USP32: variants seen among roughly 807,000 people sequenced by gnomAD.
The protein encoded by USP32 is ubiquitin carboxyl-terminal hydrolase 32.
In USP32, 59 loss-of-function variants were observed where a neutral mutation model predicts 204.8. The ratio of observed to expected loss-of-function variants is 0.29; its 90% CI spans 0.23 to 0.36. USP32 has a LOEUF of 0.36. USP32 is among the 10% of genes least tolerant of loss of function. The pLI, the probability that USP32 is intolerant of heterozygous loss-of-function variation, is 1.00. For synonymous variants in USP32, 517 were observed against 678.4 expected (o/e 0.76, Z 3.70); for missense variants, 1,160 against 1,946.4 (o/e 0.60, Z 7.60).
intron 11 of USP32, chr17:60,245,376 G>A: frequency 2.5e-6 from 1 of 405,598 alleles, no homozygotes; most frequent in Non-Finnish European, 4.8e-6. Context: ...TGCAGTTCTT[G>A]GAGGAAACAC....
At chr17:60,326,338 T>C (rs1258283917) in intron 2 of USP32, among the ~76,000 whole-genome samples, 1 of 151,862 alleles carries the variant, frequency 6.6e-6, no homozygotes, top group Non-Finnish European at 1.5e-5. Context: ...GAGACAGAGT[T>C]TCGCTCTCGT....
intron 2 of USP32, among the ~76,000 whole-genome samples, chr17:60,319,363 T>G (rs1466454123): frequency 6.6e-6 from 1 of 152,090 alleles, no homozygotes; most frequent in African/African-American, 2.4e-5. Context: ...AGAAAGTACT[T>G]CTGTGAGCTA....
At chr17:60,400,123 C>T (rs2089925142) in intron 1 of USP32, among the ~76,000 whole-genome samples, 1 of 152,106 alleles carries the variant, frequency 6.6e-6, no homozygotes, top group South Asian at 2.1e-4. Context: ...CGCCACCATG[C>T]CTGGCTAATT....
intron 11 of USP32, among the ~76,000 whole-genome samples, chr17:60,237,406 GT>G (rs2085761308): frequency 6.6e-6 from 1 of 150,578 alleles, no homozygotes; most frequent in African/African-American, 2.5e-5. Flanking sequence ...ATGAGCCACT[GT>G]GCCCAACCAA....
In USP32 at chr17:60,185,665, G is replaced by A; in HGVS notation, c.3643-14C>T. On this transcript the variant is annotated splice_polypyrimidine_tract_variant and intron_variant, in intron 29 of 33. Coordinates refer to ENST00000300896, the MANE Select transcript of USP32 (RefSeq NM_032582.4). ...CTCATCTACAACCTGCAGGTAGAGGGAACAGGAGGAAAGGGGTGCGTGGGA... is the reference window on the plus strand; with the variant it reads ...CTCATCTACAACCTGCAGGTAGAGGAAACAGGAGGAAAGGGGTGCGTGGGA... 6.2e-7 allele frequency: 1 copy of A among 1,604,424 alleles called. No homozygotes were observed. Among genetic ancestry groups the A allele is most frequent in the Non-Finnish European group, 8.5e-7 (1 of 1,173,932 alleles).
intron 1 of USP32, among the ~76,000 whole-genome samples, chr17:60,387,326 G>C (rs534703059): frequency 6.6e-6 from 1 of 152,152 alleles, no homozygotes; most frequent in East Asian, 1.9e-4. Flanking sequence ...ACTGTTACAT[G>C]CTTAATTATT....
intron 2 of USP32, among the ~76,000 whole-genome samples, chr17:60,330,152 GC>G (rs1411617497): frequency 6.6e-6 from 1 of 152,174 alleles, no homozygotes; most frequent in African/African-American, 2.4e-5. Flanking sequence ...GCCCAAAAAT[GC>G]CTATTAAAGC....
chr17:60,247,756 T>C (rs1027772867), intron 11 of USP32, among the ~76,000 whole-genome samples: 2 of 152,054 alleles, frequency 1.3e-5, no homozygotes, highest in African/African-American at 4.8e-5. Flanking sequence ...TGATCTTGGC[T>C]CATTGCAACC....
chr17:60,341,101 C>T (rs182625753), intron 2 of USP32, among the ~76,000 whole-genome samples: 9 of 152,254 alleles, frequency 5.9e-5, no homozygotes, highest in Admixed American at 5.9e-4. Context: ...CTGCCCTTAA[C>T]ATTTTTTCCT....
At chr17:60,272,550 T>A (rs1365721820) in intron 5 of USP32, among the ~76,000 whole-genome samples, 1 of 152,222 alleles carries the variant, frequency 6.6e-6, no homozygotes, top group Non-Finnish European at 1.5e-5. Flanking sequence ...CTGTCTATAA[T>A]GGAGTAACTA....
chr17:60,219,561 C>CTTTT (rs751193414), intron 16 of USP32, 109 bp downstream of exon 16: 264 of 688,854 alleles, frequency 3.8e-4, no homozygotes, highest in South Asian at 1.1e-3. Context: ...TAGTTTTCAC[C>CTTTT]TTTTTTTTTT....
At position 60,223,535 on chromosome 17, in the gene USP32, T is replaced by C. The variant is rs199695331; in HGVS notation, c.1484A>G (p.His495Arg). The C allele has an allele frequency of 2.5e-6, 4 of 1,613,318 alleles. No homozygotes were observed. Among genetic ancestry groups the C allele is most frequent in the South Asian group, 2.2e-5 (2 of 90,720 alleles). The change falls in exon 14 of 34, where the codon CAT becomes CGT. Residue 495 changes from histidine to arginine, a missense_variant. His to Arg is a conservative substitution (Grantham distance 29). This residue lies in a region of USP32 where 536 missense variants were observed against 680.9 expected (regional missense o/e 0.79). Transcript: ENST00000300896. ...PGADVCFARQ[H>R]NTSDNNNQCL... Reference sequence around the variant, plus strand: ...CTGGTTGTTATTGTCAGAAGTGTTATGTTGTCGAGCAAAGCAAACATCTGC... The same window carrying C: ...CTGGTTGTTATTGTCAGAAGTGTTACGTTGTCGAGCAAAGCAAACATCTGC...
chr17:60,392,401 C>G, upstream of USP32: 1 of 258,560 alleles, frequency 3.9e-6, no homozygotes, highest in Non-Finnish European at 7.8e-6. Context: ...CCCATCTTCC[C>G]GCCAATCGCA....
At chr17:60,182,408 C>A (rs1197219287) in intron 31 of USP32, among the ~76,000 whole-genome samples, 1 of 152,194 alleles carries the variant, frequency 6.6e-6, no homozygotes, top group African/African-American at 2.4e-5. Context: ...ATCTCTCACA[C>A]CATTGTACAT....
At chr17:60,239,272 T>C (rs2085813999) in intron 11 of USP32, among the ~76,000 whole-genome samples, 1 of 152,242 alleles carries the variant, frequency 6.6e-6, no homozygotes, top group Non-Finnish European at 1.5e-5. Context: ...CTCTTTGTTC[T>C]TGGCTTTGTA....
At chr17:60,236,332 C>T (rs2085724481) in intron 11 of USP32, 92 bp from the exon 12 acceptor site, 2 of 1,046,952 alleles carry the variant, frequency 1.9e-6, no homozygotes, top group Non-Finnish European at 2.9e-6. Context: ...ATAAGGAAAA[C>T]CGCGAAACAT....
chr17:60,307,530 CA>C (rs2087754363), intron 2 of USP32, among the ~76,000 whole-genome samples: 1 of 152,180 alleles, frequency 6.6e-6, no homozygotes, highest in South Asian at 2.1e-4. Flanking sequence ...CATGGAACCT[CA>C]AAAGACCCCA....
chr17:60,287,114 C>T (rs924199832), intron 5 of USP32, among the ~76,000 whole-genome samples: 1 of 152,176 alleles, frequency 6.6e-6, no homozygotes, highest in African/African-American at 2.4e-5. Context: ...CGCGCCACTG[C>T]ACTCCAGCCT....
intron 1 of USP32, among the ~76,000 whole-genome samples, chr17:60,406,472 C>G (rs2089976983): frequency 6.6e-6 from 1 of 152,100 alleles, no homozygotes; most frequent in Admixed American, 6.6e-5. Context: ...TGCCACTGCA[C>G]CTGGCCCATT....
Sources: allele counts gnomAD v4.1 joint callset (sites outside exome capture counted in the v4.1 genomes callset), GRCh38; gene constraint gnomAD v4.1.1; regional missense constraint gnomAD v4.1.1; transcripts MANE v1.5; gene names NCBI Gene and HGNC (gene_info 2026-07-23, HGNC 2026-07-21).